Variants in SLC26A7 observed in about 807,000 individuals in gnomAD.
SLC26A7 encodes the protein solute carrier family 26 member 7.
In SLC26A7, 59 loss-of-function variants were observed where a neutral mutation model predicts 82.5. The observed-to-expected ratio is 0.72, with a 90% CI of 0.58 to 0.89. The LOEUF (loss-of-function observed/expected upper bound fraction) is 0.89. Ranked by LOEUF, SLC26A7 falls within the 40% of genes least tolerant of loss-of-function variation. The pLI is 0.00. For synonymous variants in SLC26A7, 271 were observed against 274.3 expected, an observed-to-expected ratio of 0.99 and a Z score of 0.12; for missense variants, 820 against 793.0, an observed-to-expected ratio of 1.03 and a Z score of -0.41.
chr8:91,305,108 A>G (rs1365802414), intron 4 of SLC26A7, among the ~76,000 whole-genome samples: 1 of 152,198 alleles, frequency 6.6e-6, no homozygotes, highest in Non-Finnish European at 1.5e-5. Flanking sequence ...TATAGAACAG[A>G]GACTATTTGT....
At chr8:91,394,578 A>G (rs1425726321) in intron 18 of SLC26A7, 2 of 1,202,676 alleles carry the variant, frequency 1.7e-6, no homozygotes, top group Non-Finnish European at 2.1e-6. Flanking sequence ...TTTTTCCTTG[A>G]GTTTTGAATT....
intron 2 of SLC26A7, among the ~76,000 whole-genome samples, chr8:91,224,018 T>C (rs1810200022): frequency 6.6e-6 from 1 of 151,988 alleles, no homozygotes. Flanking sequence ...TGTGTTTTTT[T>C]AGCTCCATCA....
intron 9 of SLC26A7, chr8:91,343,982 T>A (rs946300350): frequency 3.3e-6 from 3 of 902,490 alleles, no homozygotes; most frequent in Non-Finnish European, 4.0e-6. Context: ...GCCTGTGATA[T>A]ACCAGGCATT....
At chr8:91,357,775 A>C (rs1410539160) in intron 11 of SLC26A7, among the ~76,000 whole-genome samples, 1 of 152,218 alleles carries the variant, frequency 6.6e-6, no homozygotes, top group Non-Finnish European at 1.5e-5. Flanking sequence ...TAACTAAACT[A>C]AAGAGCTTCT....
At chr8:91,268,326 T>A (rs1443613874) in intron 2 of SLC26A7, among the ~76,000 whole-genome samples, 1 of 151,844 alleles carries the variant, frequency 6.6e-6, no homozygotes, top group Admixed American at 6.6e-5. Flanking sequence ...GTATTGGGTG[T>A]ATATATATTT....
At chr8:91,304,431 T>C (rs1160976549) in intron 4 of SLC26A7, among the ~76,000 whole-genome samples, 1 of 152,186 alleles carries the variant, frequency 6.6e-6, no homozygotes, top group African/African-American at 2.4e-5. Flanking sequence ...TGTGAAGACA[T>C]GCTTGCTTCC....
chr8:91,340,712 A>G (rs1216918916), intron 8 of SLC26A7, 161 bp downstream of exon 8: 1 of 823,718 alleles, frequency 1.2e-6, no homozygotes, highest in Admixed American at 2.7e-5. Flanking sequence ...CATTCATAGG[A>G]AGCTAAAAAC....
At chr8:91,238,369 G>A (rs1810419851) in intron 2 of SLC26A7, among the ~76,000 whole-genome samples, 1 of 152,008 alleles carries the variant, frequency 6.6e-6, no homozygotes, top group Non-Finnish European at 1.5e-5. Context: ...CAGTGCTCAT[G>A]AGAATGGAGG....
intron 6 of SLC26A7, among the ~76,000 whole-genome samples, chr8:91,335,706 A>T (rs566242421): frequency 1.3e-5 from 2 of 152,306 alleles, no homozygotes; most frequent in Non-Finnish European, 2.9e-5. Context: ...CATTTCTAAG[A>T]CCCAAGGAAA....
chr8:91,237,796 C>T (rs543021508), intron 2 of SLC26A7, among the ~76,000 whole-genome samples: 3 of 152,210 alleles, frequency 2.0e-5, no homozygotes, highest in Non-Finnish European at 4.4e-5. Context: ...TAATAAAGCT[C>T]CTCTTCCAAA....
chr8:91,348,709 G>T (rs1813632982), intron 9 of SLC26A7, among the ~76,000 whole-genome samples: 1 of 120,332 alleles, frequency 8.3e-6, no homozygotes, highest in African/African-American at 3.4e-5. Flanking sequence ...AGCTAGTTTT[G>T]TTTTTTTTTT....
At chr8:91,389,224 T>C (rs1404868373) in intron 15 of SLC26A7, 114 bp from the exon 16 acceptor site, 1 of 699,354 alleles carries the variant, frequency 1.4e-6, no homozygotes, top group Non-Finnish European at 2.5e-6. Context: ...TTAAAAGTGT[T>C]TAGAATTACT....
intron 2 of SLC26A7, among the ~76,000 whole-genome samples, chr8:91,242,098 AT>A (rs1435294909): frequency 2.0e-5 from 3 of 151,992 alleles, no homozygotes; most frequent in Admixed American, 6.6e-5. Flanking sequence ...TGAATATTTC[AT>A]TTTTTTTCTC....
At chr8:91,254,928 G>T (rs1312019508) in intron 2 of SLC26A7, among the ~76,000 whole-genome samples, 2 of 152,094 alleles carry the variant, frequency 1.3e-5, no homozygotes, top group African/African-American at 4.8e-5. Flanking sequence ...TGTAGAGAAT[G>T]ACATTGACTT....
intron 2 of SLC26A7, among the ~76,000 whole-genome samples, chr8:91,283,591 A>T (rs967411540): frequency 6.6e-6 from 1 of 152,000 alleles, no homozygotes; most frequent in Admixed American, 6.6e-5. Flanking sequence ...TCTTTCTCTT[A>T]TGGAAATTAT....
chr8:91,340,677 C>CAAA, intron 8 of SLC26A7, 126 bp downstream of exon 8: 1 of 1,046,402 alleles, frequency 9.6e-7, no homozygotes, highest in Non-Finnish European at 1.4e-6. Flanking sequence ...GTGGGTTGAA[C>CAAA]AAAAAAAAAG....
chr8:91,331,355 G>T (rs144619038), intron 5 of SLC26A7, among the ~76,000 whole-genome samples: 2 of 152,172 alleles, frequency 1.3e-5, no homozygotes, highest in East Asian at 1.9e-4. Context: ...TGAATTTAAT[G>T]GATGTAGACT....
chr8:91,385,731 G>C (rs1185618134), intron 15 of SLC26A7, among the ~76,000 whole-genome samples: 1 of 152,118 alleles, frequency 6.6e-6, no homozygotes, highest in Non-Finnish European at 1.5e-5. Context: ...AATCACTATT[G>C]ATAAAGCCCC....
At chr8:91,380,780 C>T (rs1056440496) in intron 15 of SLC26A7, among the ~76,000 whole-genome samples, 1 of 152,108 alleles carries the variant, frequency 6.6e-6, no homozygotes, top group Non-Finnish European at 1.5e-5. Flanking sequence ...CAATTCTGCT[C>T]TTAGTTGTAC....
Sources: gnomAD v4.1 joint callset for allele counts (sites outside exome capture counted in the v4.1 genomes callset) on GRCh38, gnomAD v4.1.1 for gene constraint, MANE v1.5 for transcripts, NCBI Gene and HGNC (gene_info 2026-07-23, HGNC 2026-07-21) for gene names.